Variants in CDKN2C observed in about 807,000 individuals in gnomAD.
CDKN2C encodes the protein cyclin dependent kinase inhibitor 2C.
CDKN2C carries 5 observed loss-of-function variants against 11.0 expected under a neutral mutation model. The observed-to-expected ratio is 0.45, with a 90% CI of 0.24 to 0.95. The LOEUF (loss-of-function observed/expected upper bound fraction) is 0.95, where lower values mean the gene tolerates loss of function less well. Among genes scored for constraint, CDKN2C ranks in the 40% least tolerant of loss-of-function variants. The pLI is 0.21. For synonymous variants in CDKN2C, 79 were observed against 88.3 expected (o/e 0.89, Z 0.59); for missense variants, 161 against 211.9 (o/e 0.76, Z 1.49).
chr1:50,965,141 A>C (rs187690465), intron 1 of CDKN2C, among the ~76,000 whole-genome samples: 20 of 148,260 alleles, frequency 1.3e-4, no homozygotes, highest in Non-Finnish European at 2.9e-4. Flanking sequence ...TACAAATATT[A>C]ATTGTTGCTA....
upstream of CDKN2C, among the ~76,000 whole-genome samples, chr1:50,966,204 A>G (rs1450322921): frequency 6.6e-6 from 1 of 151,446 alleles, no homozygotes; most frequent in East Asian, 1.9e-4. Flanking sequence ...ACGCCCAGCT[A>G]ATTTTTTTTT....
chr1:50,972,602 A>G (rs1200983397), intron 1 of CDKN2C, among the ~76,000 whole-genome samples: 1 of 152,094 alleles, frequency 6.6e-6, no homozygotes, highest in Non-Finnish European at 1.5e-5. Context: ...ACCAGTGTAA[A>G]TTCTGAAAAT....
Position 50,970,378 on chromosome 1 carries a change from C to A in CDKN2C, c.10C>A (p.Pro4Thr), listed in dbSNP as rs367648383. The change falls in exon 1 of 2, where the codon CCT becomes ACT. Residue 4 changes from proline to threonine, a missense_variant. Physicochemically the swap from Pro to Thr is conservative, Grantham distance 38. Transcript: ENST00000371761. MAE[P>T]WGNELASAAA... ...GTCAGGACCCTAAAGAATGGCCGAGCCTTGGGGGAACGAGTTGGCGTCCGC... is the reference window on the plus strand; with the variant it reads ...GTCAGGACCCTAAAGAATGGCCGAGACTTGGGGGAACGAGTTGGCGTCCGC... 4.3e-6 allele frequency: 7 copies of A among 1,614,072 alleles called. No homozygotes were observed. Among genetic ancestry groups the A allele is most frequent in the Middle Eastern group, 3.3e-4 (2 of 6,062 alleles).
At chr1:50,971,760 C>T (rs540570579) in intron 1 of CDKN2C, among the ~76,000 whole-genome samples, 124 of 152,178 alleles carry the variant, frequency 8.1e-4, no homozygotes, top group African/African-American at 2.7e-3. Flanking sequence ...GGATTTTTGA[C>T]GAACAGGAAG....
chr1:50,973,503 C>G (rs1184693558), intron 1 of CDKN2C, among the ~76,000 whole-genome samples: 1 of 152,182 alleles, frequency 6.6e-6, no homozygotes, highest in Non-Finnish European at 1.5e-5. Context: ...AACAATCAAA[C>G]AGAAGGAGAC....
chr1:50,969,169 C>T (rs1008261028), upstream of CDKN2C: 2 of 152,430 alleles, frequency 1.3e-5, no homozygotes, highest in Admixed American at 6.5e-5. The surrounding 1 kb of genome is among the most constrained non-coding windows in gnomAD (Gnocchi z 6.6). Flanking sequence ...CTGGCTGCCC[C>T]GGAACTGCGG....
chr1:50,961,203 G>A (rs1645320078), intron 1 of CDKN2C, among the ~76,000 whole-genome samples: 2 of 151,834 alleles, frequency 1.3e-5, no homozygotes, highest in South Asian at 4.2e-4. Flanking sequence ...GCCCGGCTAA[G>A]TTTTTTTTGT....
intron 1 of CDKN2C, among the ~76,000 whole-genome samples, chr1:50,971,830 G>T (rs1330154185): frequency 6.6e-6 from 1 of 152,008 alleles, no homozygotes; most frequent in African/African-American, 2.4e-5. Flanking sequence ...ATACAACTTT[G>T]CAATCTTGTT....
chr1:50,968,536 G>C (rs931784828), upstream of CDKN2C: 1 of 152,406 alleles, frequency 6.6e-6, no homozygotes, highest in African/African-American at 2.4e-5. Flanking sequence ...GGAGGGAGCC[G>C]GCGCGAGAGA....
rs770845535 is a variant in CDKN2C, at chr1:50,973,868, T to G, written c.130-25T>G. ...TCTGTAGCATATGCACTTGAAGGAT[T>G]CTACCATTTCTACTTCTTTTCCAGG... On this transcript the variant is annotated intron_variant, in intron 1 of 1. Coordinates refer to ENST00000371761, the MANE Select transcript of CDKN2C (RefSeq NM_078626.3). 2 of 1,613,422 alleles carry G rather than the reference T, an allele frequency of 1.2e-6. No individual in the cohort carries two copies. The highest frequency in any genetic ancestry group is 1.7e-6 in the Non-Finnish European group (2 of 1,179,442).
intron 1 of CDKN2C, among the ~76,000 whole-genome samples, chr1:50,971,234 A>G (rs1323855483): frequency 6.6e-6 from 1 of 152,244 alleles, no homozygotes; most frequent in African/African-American, 2.4e-5. Context: ...CCTCTTCTGA[A>G]TGTTATCATG....
upstream of CDKN2C, among the ~76,000 whole-genome samples, chr1:50,965,509 C>A (rs1322576137): frequency 6.6e-6 from 1 of 151,464 alleles, no homozygotes; most frequent in East Asian, 1.9e-4. Flanking sequence ...AAAAAAAGAA[C>A]TTTCAGCCTG....
At chr1:50,964,680 A>G (rs1645338521) in intron 1 of CDKN2C, among the ~76,000 whole-genome samples, 1 of 152,204 alleles carries the variant, frequency 6.6e-6, no homozygotes, top group Non-Finnish European at 1.5e-5. Flanking sequence ...ACTTTAAATC[A>G]CAATTTCTGC....
rs201812931 is a variant in CDKN2C, at chr1:50,974,245, C to T, written c.482C>T (p.Ala161Val). 1 of 1,565,516 alleles carries T rather than the reference C, an allele frequency of 6.4e-7. No homozygotes were observed. Among genetic ancestry groups the T allele is most frequent in the Non-Finnish European group, 8.7e-7 (1 of 1,154,914 alleles). Residue 161 changes from alanine (A) to valine (V), a missense_variant, in exon 2 of 2, where the codon GCT (alanine) becomes GTT (valine). By Grantham distance (64) the Ala-to-Val change is moderately conservative (BLOSUM62 0). Coordinates refer to ENST00000371761, the MANE Select transcript of CDKN2C (RefSeq NM_078626.3). ...EVVSLMQANG[A>V]GGATNLQ ...GTTAGCCTGATGCAGGCAAACGGGG[C>T]TGGGGGAGCCACAAATCTTCAATAA...
At chr1:50,963,864 A>G (rs1373270759) in intron 1 of CDKN2C, among the ~76,000 whole-genome samples, 4 of 152,290 alleles carry the variant, frequency 2.6e-5, no homozygotes, top group Non-Finnish European at 4.4e-5. Context: ...TAATTTATCT[A>G]TTCTCATAGT....
chr1:50,970,217 A>G (rs1645372081), upstream of CDKN2C: 1 of 871,036 alleles, frequency 1.1e-6, no homozygotes, highest in Non-Finnish European at 1.8e-6. Context: ...GGCAGATCTT[A>G]CTAGTATTTA....
upstream of CDKN2C, chr1:50,968,881 A>G (rs1246875587): frequency 6.6e-6 from 1 of 152,402 alleles, no homozygotes; most frequent in African/African-American, 2.4e-5. Flanking sequence ...CAAGGGAGGG[A>G]GTGAAGGAAA....
intron 1 of CDKN2C, among the ~76,000 whole-genome samples, chr1:50,963,514 G>A (rs947630057): frequency 7.2e-5 from 11 of 152,194 alleles, no homozygotes; most frequent in Non-Finnish European, 1.3e-4. Flanking sequence ...CAGAGTGACA[G>A]ACCTAGGATT....
upstream of CDKN2C, chr1:50,970,241 C>A: frequency 8.6e-7 from 1 of 1,159,658 alleles, no homozygotes; most frequent in Admixed American, 2.0e-5. Flanking sequence ...CCAAGCTCTA[C>A]TCCAGATTAA....
Sources: allele counts gnomAD v4.1 joint callset (sites outside exome capture counted in the v4.1 genomes callset), GRCh38; gene constraint gnomAD v4.1.1; non-coding constraint Gnocchi (gnomAD v3.1); transcripts MANE v1.5; gene names NCBI Gene and HGNC (gene_info 2026-07-23, HGNC 2026-07-21).